Variants in L2HGDH observed in about 807,000 individuals in gnomAD.
The protein encoded by L2HGDH is L-2-hydroxyglutarate dehydrogenase.
Under a neutral mutation model 51.5 loss-of-function variants are expected in L2HGDH, and 34 were observed. The ratio of observed to expected loss-of-function variants is 0.66; its 90% CI spans 0.50 to 0.88. The LOEUF (loss-of-function observed/expected upper bound fraction) is 0.88, where lower values mean the gene tolerates loss of function less well. L2HGDH is among the 40% of genes least tolerant of loss of function. The pLI is 0.00. For missense variants in L2HGDH, 558 were observed against 571.9 expected, an observed-to-expected ratio of 0.98 and a Z score of 0.25; for synonymous variants, 198 against 197.9, an observed-to-expected ratio of 1.00 and a Z score of -0.01.
chr14:50,282,146 C>A (rs934933499), intron 5 of L2HGDH, among the ~76,000 whole-genome samples: 9 of 152,040 alleles, frequency 5.9e-5, no homozygotes, highest in Admixed American at 5.9e-4. Flanking sequence ...AGCCTAGAGA[C>A]ATTTTTAATT....
chr14:50,244,619 C>T lies in L2HGDH; in HGVS notation c.*2439G>A, dbSNP rs1373552840. On this transcript the variant is annotated 3_prime_UTR_variant, in exon 10 of 10. Transcript: ENST00000267436. ...GATATCTGAATGCTTTTAATATACTCATCCTAAGAGTTGAATAATGGCCTA... is the reference window on the plus strand; with the variant it reads ...GATATCTGAATGCTTTTAATATACTTATCCTAAGAGTTGAATAATGGCCTA... 3.0e-6 allele frequency: 3 copies of T among 985,258 alleles called. No individual in the cohort carries two copies. The East Asian group carries it at 3.4e-4, about 112-fold the overall frequency. 61.0% of individuals were successfully genotyped at this position (985,258 alleles called of 1,614,324 possible). A position where few individuals can be genotyped will look rare whatever the true frequency, so the allele number is the denominator to read the frequency against.
At chr14:50,289,594 G>C (rs1202058597) in intron 4 of L2HGDH, among the ~76,000 whole-genome samples, 5 of 152,098 alleles carry the variant, frequency 3.3e-5, no homozygotes, top group African/African-American at 4.8e-5. Flanking sequence ...TTTATAGGCA[G>C]AAAAAAGCTA....
chr14:50,277,547 G>A (rs1483477828), intron 6 of L2HGDH, among the ~76,000 whole-genome samples: 10 of 151,880 alleles, frequency 6.6e-5, no homozygotes, highest in South Asian at 2.1e-4. Context: ...AGGCCGAGGC[G>A]GGTGGATCAT....
At chr14:50,273,286 TGTTA>T (rs1255743287) in intron 6 of L2HGDH, among the ~76,000 whole-genome samples, 1 of 152,164 alleles carries the variant, frequency 6.6e-6, no homozygotes, top group Non-Finnish European at 1.5e-5. Context: ...GCCCTGTGGA[TGTTA>T]GTTAGCCTCT....
At chr14:50,258,427 T>C (rs1160559065) in intron 9 of L2HGDH, among the ~76,000 whole-genome samples, 1 of 152,116 alleles carries the variant, frequency 6.6e-6, no homozygotes, top group Non-Finnish European at 1.5e-5. Context: ...CTCACTATAT[T>C]GCCCAGGCTG....
chr14:50,254,905 TTGAGTGTC>T (rs897956496), intron 9 of L2HGDH, among the ~76,000 whole-genome samples: 3 of 150,486 alleles, frequency 2.0e-5, no homozygotes, highest in Non-Finnish European at 3.0e-5. Context: ...AGGCGTGGTG[TTGAGTGTC>T]TGAGTGTCTG....
At chr14:50,287,291 C>A (rs1312998360) in intron 4 of L2HGDH, 7 of 984,388 alleles carry the variant, frequency 7.1e-6, no homozygotes, top group Non-Finnish European at 8.4e-6. Context: ...TATAAAAAAT[C>A]ATGGGTTCCT....
At chr14:50,260,472 A>G (rs1566507576) in intron 9 of L2HGDH, among the ~76,000 whole-genome samples, 1 of 152,230 alleles carries the variant, frequency 6.6e-6, no homozygotes, top group South Asian at 2.1e-4. Flanking sequence ...TCACACATAA[A>G]TTACAAATAT....
In L2HGDH at chr14:50,302,088, A is replaced by G; in HGVS notation, c.337T>C (p.Cys113Arg). Residue 113 changes from cysteine to arginine, a missense_variant, in exon 3 of 10, where the codon TGT (cysteine) becomes CGT (arginine). Cys to Arg is a radical substitution (Grantham distance 180, BLOSUM62 -3). Transcript: ENST00000267436. ...TAGAGGAGGGCTGCACCTTGTACAC[A>G]TAATTTGGCTTTCAGAGACTCAGGT... ...YKPESLKAKLCVQGAALLYEY... is the reference protein window; with the variant it reads ...YKPESLKAKLRVQGAALLYEY... 5.0e-6 allele frequency: 8 copies of G among 1,614,174 alleles called. No individual in the cohort carries two copies. The highest frequency in any genetic ancestry group is 1.1e-5 in the South Asian group (1 of 91,090).
intron 5 of L2HGDH, chr14:50,282,355 C>T (rs115734974): frequency 4.5e-4 from 192 of 431,248 alleles, no homozygotes; most frequent in African/African-American, 3.8e-3. Flanking sequence ...CTAGTCCAGC[C>T]TCTTAGCTTC....
intron 7 of L2HGDH, among the ~76,000 whole-genome samples, chr14:50,268,215 CT>C (rs1421158109): frequency 6.6e-6 from 1 of 151,856 alleles, no homozygotes; most frequent in Non-Finnish European, 1.5e-5. Flanking sequence ...CCCATCTCTA[CT>C]AAAAATACAA....
intron 4 of L2HGDH, 35 bp downstream of exon 4, chr14:50,294,080 C>A (rs753150788): frequency 6.2e-7 from 1 of 1,610,930 alleles, no homozygotes; most frequent in South Asian, 1.1e-5. Flanking sequence ...CAGGACTAAG[C>A]CCTAAATAAA....
In L2HGDH at chr14:50,244,011, C is replaced by T. The variant is rs930105028; in HGVS notation, c.*3047G>A. 2 of 150,762 alleles carry T rather than the reference C, an allele frequency of 1.3e-5. No homozygotes were observed. The highest frequency in any genetic ancestry group is 4.9e-5 in the African/African-American group (2 of 41,086). The allele number at this position is 150,762 out of a possible 1,614,324, so 9.3% of individuals were successfully genotyped here. A position where few individuals can be genotyped will look rare whatever the true frequency, so the allele number is the denominator to read the frequency against. ...TCCATGTCCCTACAAAGGACATGAACTCATCATTTTTTATGGCTGCATAGT... is the reference window on the plus strand; with the variant it reads ...TCCATGTCCCTACAAAGGACATGAATTCATCATTTTTTATGGCTGCATAGT... On this transcript the variant is annotated 3_prime_UTR_variant, in exon 10 of 10. Transcript: ENST00000267436.
intron 9 of L2HGDH, among the ~76,000 whole-genome samples, chr14:50,258,159 C>T (rs994151879): frequency 9.2e-5 from 14 of 151,612 alleles, no homozygotes; most frequent in African/African-American, 3.4e-4. Context: ...CAATTATACA[C>T]ACACAGCCAA....
chr14:50,259,349 GTTTT>G (rs1465638807), intron 9 of L2HGDH, among the ~76,000 whole-genome samples: 1 of 117,284 alleles, frequency 8.5e-6, no homozygotes, highest in African/African-American at 3.2e-5. Context: ...TTTTCTTTCT[GTTTT>G]TTTTCTTTTT....
At position 50,283,174 on chromosome 14, in the gene L2HGDH, C is replaced by G. The variant is rs189861577; in HGVS notation, c.703+697G>C. On this transcript the variant is annotated intron_variant, in intron 5 of 9. Coordinates refer to ENST00000267436, the MANE Select transcript of L2HGDH (RefSeq NM_024884.3). ...CGGGATTGTGCCACTGCACTCCAGC[C>G]TAGGCAACAGAGCAAGACCCTGCCC... Among the ~76,000 whole-genome samples, 123 of 151,858 alleles carry G rather than the reference C, an allele frequency of 8.1e-4. 1 individual carries two copies. The highest frequency in any genetic ancestry group is 7.5e-4 in the Non-Finnish European group (51 of 67,940).
intron 2 of L2HGDH, among the ~76,000 whole-genome samples, chr14:50,302,426 T>C (rs1420886821): frequency 1.3e-5 from 2 of 152,134 alleles, no homozygotes; most frequent in East Asian, 3.9e-4. Flanking sequence ...AGGGGCCCCC[T>C]AGGGCTCTTT....
At chr14:50,280,155 T>C (rs941863375) in intron 5 of L2HGDH, among the ~76,000 whole-genome samples, 3 of 150,822 alleles carry the variant, frequency 2.0e-5, no homozygotes, top group Non-Finnish European at 4.4e-5. Context: ...CTGAGCCACA[T>C]GGGTCACTGC....
chr14:50,271,246 C>G (rs1175485364), intron 6 of L2HGDH, among the ~76,000 whole-genome samples: 1 of 152,174 alleles, frequency 6.6e-6, no homozygotes. Flanking sequence ...TATAAATCAT[C>G]AGCTCCTACA....
Sources: allele counts gnomAD v4.1 joint callset (sites outside exome capture counted in the v4.1 genomes callset), GRCh38; gene constraint gnomAD v4.1.1; transcripts MANE v1.5; gene names NCBI Gene and HGNC (gene_info 2026-07-23, HGNC 2026-07-21).